BICRAL: variants seen among roughly 807,000 people sequenced by gnomAD.
The protein encoded by BICRAL is BICRA like chromatin remodeling complex associated protein.
BICRAL carries 8 observed loss-of-function variants against 91.8 expected under a neutral mutation model. That is an observed-to-expected ratio of 0.09 (90% confidence interval 0.05 to 0.16). BICRAL has a LOEUF of 0.16. Ranked by LOEUF, BICRAL falls within the 10% of genes least tolerant of loss-of-function variation. The pLI, the probability that BICRAL is intolerant of heterozygous loss-of-function variation, is 1.00. For synonymous variants in BICRAL, 445 were observed against 491.1 expected (o/e 0.91, Z 1.24); for missense variants, 1,038 against 1,310.9 (o/e 0.79, Z 3.21).
chr6:42,790,944 GGGTGTGGATTTTAAAAGGAAAGCCCTGA>G (rs1341162691), intron 1 of BICRAL, among the ~76,000 whole-genome samples: 1 of 152,014 alleles, frequency 6.6e-6, no homozygotes, highest in African/African-American at 2.4e-5. Flanking sequence ...AAGGCATGTG[GGGTGTGGATTTTAAAAGGAAAGCCCTGA>G]GGTGGAAATC....
At chr6:42,853,915 T>C (rs1765269212) in intron 8 of BICRAL, among the ~76,000 whole-genome samples, 177 bp downstream of exon 8, 1 of 152,182 alleles carries the variant, frequency 6.6e-6, no homozygotes. Flanking sequence ...TTGTTATGTT[T>C]ATGTTTCTGA....
At chr6:42,815,984 CAAAAAAAAAAAA>C (rs746928245) in intron 2 of BICRAL, among the ~76,000 whole-genome samples, 42 of 39,272 alleles carry the variant, frequency 1.1e-3, no homozygotes, top group Non-Finnish European at 1.7e-3. Flanking sequence ...AACTCTGTCT[CAAAAAAAAAAAA>C]AAAAAAAAAA....
At chr6:42,834,011 C>A (rs181864789) in intron 6 of BICRAL, among the ~76,000 whole-genome samples, 26 of 151,834 alleles carry the variant, frequency 1.7e-4, no homozygotes. Context: ...TGTACCACCA[C>A]GCCCAGCTAA....
rs182385315 is a variant in BICRAL, at chr6:42,860,652, G to A, written c.2349+296G>A. On this transcript the variant is annotated intron_variant, in intron 11 of 12. Coordinates refer to ENST00000314073, the MANE Select transcript of BICRAL (RefSeq NM_001393499.1). ...GTTTGCAGAGTAATTAGCAGAGCTC[G>A]GATACGAGCCAGGATCATCTGACCC... Among the ~76,000 whole-genome samples, 22 of 152,284 alleles carry A rather than the reference G, an allele frequency of 1.4e-4. No individual in the cohort carries two copies. In the East Asian group the frequency reaches 1.9e-3, roughly 13 times the overall value.
chr6:42,773,432 G>T lies in BICRAL; in HGVS notation c.-260-8407G>T, dbSNP rs1762767250. Among the ~76,000 whole-genome samples the T allele has an allele frequency of 2.0e-5, 3 of 152,098 alleles. No individual in the cohort carries two copies. The South Asian group carries it at 6.2e-4, about 32-fold the overall frequency. ...AAAGCATCGCCATGTTGCCCAGGCT[G>T]GTCTCGAACTTCTGGGCTCAAGCAG... is the stretch of plus-strand genomic sequence containing the variant. On this transcript the variant is annotated intron_variant, in intron 1 of 14. Transcript: ENST00000614467.
intron 1 of BICRAL, among the ~76,000 whole-genome samples, chr6:42,759,536 T>C (rs2113829836): frequency 6.6e-6 from 1 of 152,306 alleles, no homozygotes; most frequent in Non-Finnish European, 1.5e-5. Context: ...GACTCAGTGA[T>C]TAACTGGAAG....
intron 1 of BICRAL, among the ~76,000 whole-genome samples, chr6:42,783,797 G>T (rs1044383091): frequency 6.6e-6 from 1 of 152,168 alleles, no homozygotes; most frequent in African/African-American, 2.4e-5. Context: ...CCCTGACCCC[G>T]CACCCCCACT....
upstream of BICRAL, among the ~76,000 whole-genome samples, chr6:42,746,431 C>T (rs1273825777): frequency 6.6e-6 from 1 of 152,054 alleles, no homozygotes; most frequent in Non-Finnish European, 1.5e-5. Flanking sequence ...ACTCGCAGGC[C>T]TCCCCCTCCC....
In BICRAL at chr6:42,830,081, T is replaced by C; in HGVS notation, c.1748T>C (p.Val583Ala). 1 of 1,614,166 alleles carries C rather than the reference T, an allele frequency of 6.2e-7. No homozygotes were observed. The highest frequency in any genetic ancestry group is 8.5e-7 in the Non-Finnish European group (1 of 1,180,004). ...QPNRTPVPVSVSHRLPVSSSK... is the reference protein window; with the variant it reads ...QPNRTPVPVSASHRLPVSSSK... The stretch of plus-strand genomic sequence containing the variant: ...AACAGGACTCCAGTACCAGTCAGTG[T>C]GTCTCATCGTCTTCCAGTTTCTTCT... The change falls in exon 6 of 13, where the codon GTG (valine) becomes GCG (alanine). Residue 583 changes from valine (V) to alanine (A), a missense_variant. Coordinates refer to ENST00000314073, the MANE Select transcript of BICRAL (RefSeq NM_001393499.1).
At chr6:42,846,108 G>T (rs901328275) in intron 6 of BICRAL, among the ~76,000 whole-genome samples, 1 of 150,232 alleles carries the variant, frequency 6.7e-6, no homozygotes, top group African/African-American at 2.5e-5. Context: ...CAGGCGTCAT[G>T]GCTCACACCT....
chr6:42,824,173 G>T (rs1764221349), intron 5 of BICRAL, among the ~76,000 whole-genome samples: 1 of 151,970 alleles, frequency 6.6e-6, no homozygotes, highest in South Asian at 2.1e-4. Flanking sequence ...GGAGGTTGCA[G>T]TGAGCCAAGA....
chr6:42,781,017 G>T (rs191013364), upstream of BICRAL, among the ~76,000 whole-genome samples: 1 of 151,982 alleles, frequency 6.6e-6, no homozygotes, highest in African/African-American at 2.4e-5. Flanking sequence ...AATTACAGGC[G>T]TGAGCCACCG....
At chr6:42,819,526 T>C (rs1482205270) in intron 2 of BICRAL, among the ~76,000 whole-genome samples, 3 of 152,146 alleles carry the variant, frequency 2.0e-5, no homozygotes, top group Admixed American at 6.5e-5. Flanking sequence ...CCTCAGGTGA[T>C]CCACCCACCT....
intron 2 of BICRAL, among the ~76,000 whole-genome samples, 159 bp downstream of exon 2, chr6:42,810,560 G>T (rs935846969): frequency 6.6e-6 from 1 of 152,144 alleles, no homozygotes; most frequent in Admixed American, 6.6e-5. Flanking sequence ...CATCCTTATC[G>T]ACATGAATCG....
At chr6:42,841,466 C>T (rs1264110919) in intron 6 of BICRAL, among the ~76,000 whole-genome samples, 3 of 152,100 alleles carry the variant, frequency 2.0e-5, no homozygotes, top group Admixed American at 1.3e-4. Context: ...GGATTACAGG[C>T]GTGAGCCACG....
Position 42,864,705 on chromosome 6 carries a change from T to C in BICRAL, c.2499T>C (p.Ala833=). ...DFCCSFKLDK[A]AHETQFGRSD... Reference sequence around the variant, plus strand: ...GTTGTTCCTTCAAACTTGATAAAGCTGCTCATGAGACACAGTTTGGCCGGA... The same window carrying C: ...GTTGTTCCTTCAAACTTGATAAAGCCGCTCATGAGACACAGTTTGGCCGGA... Residue 833 remains alanine, a synonymous_variant, in exon 13 of 13, where the codon GCT becomes GCC. Transcript: ENST00000314073. 1.2e-6 allele frequency: 2 copies of C among 1,614,138 alleles called. No homozygotes were observed. The highest frequency in any genetic ancestry group is 1.7e-6 in the Non-Finnish European group (2 of 1,180,010).
intron 1 of BICRAL, among the ~76,000 whole-genome samples, chr6:42,806,765 T>C (rs2113908715): frequency 6.6e-6 from 1 of 152,140 alleles, no homozygotes; most frequent in African/African-American, 2.4e-5. Flanking sequence ...TCTGCTCACC[T>C]TGACCTCCCA....
chr6:42,825,871 G>A (rs2113949834), intron 5 of BICRAL, among the ~76,000 whole-genome samples: 1 of 152,206 alleles, frequency 6.6e-6, no homozygotes, highest in East Asian at 1.9e-4. Flanking sequence ...CACCTGAGGT[G>A]AGGAGTTCAA....
intron 1 of BICRAL, among the ~76,000 whole-genome samples, chr6:42,803,622 A>G (rs1290608647): frequency 6.6e-6 from 1 of 152,236 alleles, no homozygotes; most frequent in Non-Finnish European, 1.5e-5. Context: ...TTAGGCATGT[A>G]TGTATCAGGC....
Sources: gnomAD v4.1 joint callset for allele counts (sites outside exome capture counted in the v4.1 genomes callset) on GRCh38, gnomAD v4.1.1 for gene constraint, MANE v1.5 for transcripts, NCBI Gene and HGNC (gene_info 2026-07-23, HGNC 2026-07-21) for gene names.